SDCCAG8: variants seen among roughly 807,000 people sequenced by gnomAD.
SDCCAG8 encodes serologically defined colon cancer antigen 8.
SDCCAG8 carries 74 observed loss-of-function variants against 101.8 expected under a neutral mutation model. The ratio of observed to expected loss-of-function variants is 0.73; its 90% CI spans 0.60 to 0.88. The LOEUF is 0.88. Ranked by LOEUF, SDCCAG8 falls within the 40% of genes least tolerant of loss-of-function variation. SDCCAG8 has a pLI of 0.00. For synonymous variants in SDCCAG8, 281 were observed against 292.9 expected (o/e 0.96, Z 0.41); for missense variants, 787 against 822.6 (o/e 0.96, Z 0.53).
intron 16 of SDCCAG8, among the ~76,000 whole-genome samples, chr1:243,447,090 A>G (rs1477099367): frequency 6.6e-6 from 1 of 151,902 alleles, no homozygotes; most frequent in Non-Finnish European, 1.5e-5. Context: ...TGTCTCTACT[A>G]AAAATACAAA....
chr1:243,365,668 A>C (rs990828802), intron 12 of SDCCAG8, among the ~76,000 whole-genome samples: 18 of 152,242 alleles, frequency 1.2e-4, no homozygotes, highest in African/African-American at 4.3e-4. Context: ...TTTCTTTTAC[A>C]CAATAATTTT....
chr1:243,396,596 T>G (rs184362174), intron 13 of SDCCAG8, among the ~76,000 whole-genome samples: 369 of 152,346 alleles, frequency 2.4e-3, no homozygotes, highest in Non-Finnish European at 4.0e-3. Context: ...ATTCCTCAAG[T>G]TAATGCTATA....
intron 13 of SDCCAG8, among the ~76,000 whole-genome samples, chr1:243,395,612 A>G (rs1183504786): frequency 6.6e-6 from 1 of 152,214 alleles, no homozygotes; most frequent in Non-Finnish European, 1.5e-5. Flanking sequence ...GAAGGTCAGC[A>G]ATAAAATTGA....
intron 16 of SDCCAG8, among the ~76,000 whole-genome samples, chr1:243,483,897 G>A (rs1326395504): frequency 5.3e-5 from 8 of 152,138 alleles, no homozygotes; most frequent in African/African-American, 9.7e-5. Context: ...GGGGTCGTGC[G>A]GGCCCGGAGA....
At chr1:243,368,782 T>C (rs2077129053) in intron 12 of SDCCAG8, among the ~76,000 whole-genome samples, 1 of 152,160 alleles carries the variant, frequency 6.6e-6, no homozygotes, top group Non-Finnish European at 1.5e-5. Context: ...AGACCCTTGA[T>C]ATTTGTAGGG....
intron 17 of SDCCAG8, among the ~76,000 whole-genome samples, chr1:243,497,154 C>A (rs949170197): frequency 3.9e-5 from 6 of 152,134 alleles, no homozygotes; most frequent in African/African-American, 1.4e-4. Flanking sequence ...TCGTGGATAT[C>A]CCTAATGGCA....
intron 15 of SDCCAG8, among the ~76,000 whole-genome samples, chr1:243,425,932 A>G (rs1379676036): frequency 6.6e-6 from 1 of 152,226 alleles, no homozygotes; most frequent in Non-Finnish European, 1.5e-5. Flanking sequence ...TGTCCAGAAT[A>G]ATGTCTGGCC....
chr1:243,394,802 A>G lies in SDCCAG8; in HGVS notation c.1616+15939A>G, dbSNP rs112910927. 7.5e-3 allele frequency among the ~76,000 whole-genome samples: 1,120 copies of G among 150,124 alleles called. 15 individuals are homozygous for G. The highest frequency in any genetic ancestry group is 0.026 in the African/African-American group (1,073 of 40,846). On this transcript the variant is annotated intron_variant, in intron 13 of 17. Coordinates refer to ENST00000366541, the MANE Select transcript of SDCCAG8 (RefSeq NM_006642.5). ...TAGCAGCGCCCTTAGAAACGGCTTT[A>G]CTCTTCGGTAGTGTAACCTGGCAAC... is the stretch of plus-strand genomic sequence containing the variant.
intron 5 of SDCCAG8, among the ~76,000 whole-genome samples, chr1:243,288,697 A>G (rs2149288986): frequency 6.6e-6 from 1 of 152,282 alleles, no homozygotes; most frequent in African/African-American, 2.4e-5. Flanking sequence ...TCAGTGTTTC[A>G]TAATGCCTTT....
intron 13 of SDCCAG8, among the ~76,000 whole-genome samples, chr1:243,411,121 T>A (rs1391806198): frequency 2.0e-5 from 3 of 152,132 alleles, no homozygotes; most frequent in East Asian, 1.9e-4. Context: ...TTATTTATTT[T>A]TTTATTTTTT....
chr1:243,259,299 C>T (rs1398567841), intron 1 of SDCCAG8, among the ~76,000 whole-genome samples: 1 of 151,640 alleles, frequency 6.6e-6, no homozygotes, highest in Non-Finnish European at 1.5e-5. Flanking sequence ...CCCAGCTACT[C>T]AGGAGGCTGA....
chr1:243,276,169 G>A (rs1038147021), intron 4 of SDCCAG8, among the ~76,000 whole-genome samples: 6 of 152,056 alleles, frequency 3.9e-5, no homozygotes, highest in Non-Finnish European at 7.4e-5. Flanking sequence ...GCCTAAACCA[G>A]TCTTAAAGGA....
At chr1:243,364,652 T>C (rs2076894565) in intron 12 of SDCCAG8, among the ~76,000 whole-genome samples, 1 of 152,178 alleles carries the variant, frequency 6.6e-6, no homozygotes, top group African/African-American at 2.4e-5. Flanking sequence ...TTGAAGTTCA[T>C]TTAGCGAAAA....
At chr1:243,307,389 T>C (rs1225556966) in intron 7 of SDCCAG8, 1 of 984,082 alleles carries the variant, frequency 1.0e-6, no homozygotes, top group African/African-American at 1.8e-5. Context: ...TTCTGTAACT[T>C]ACTTTCTTTT....
intron 16 of SDCCAG8, among the ~76,000 whole-genome samples, chr1:243,477,187 G>A (rs940949548): frequency 1.3e-5 from 2 of 152,110 alleles, no homozygotes; most frequent in African/African-American, 4.8e-5. Flanking sequence ...TTTAAGGACG[G>A]CTTTAGGGTG....
intron 8 of SDCCAG8, 117 bp from the exon 9 acceptor site, chr1:243,316,638 T>C: frequency 1.6e-6 from 2 of 1,237,168 alleles, no homozygotes; most frequent in African/African-American, 3.0e-5. Flanking sequence ...ATTTCATATG[T>C]GCTCAGCCGG....
chr1:243,311,923 G>T (rs913451530), intron 8 of SDCCAG8, among the ~76,000 whole-genome samples: 2 of 152,150 alleles, frequency 1.3e-5, no homozygotes, highest in African/African-American at 4.8e-5. Context: ...GATCAGTTAT[G>T]TATTCCTTTG....
At chr1:243,323,146 A>T (rs967567362) in intron 9 of SDCCAG8, among the ~76,000 whole-genome samples, 4 of 151,824 alleles carry the variant, frequency 2.6e-5, no homozygotes, top group Admixed American at 6.6e-5. Context: ...AAAAAAAAAA[A>T]AGCCACTTAA....
intron 8 of SDCCAG8, among the ~76,000 whole-genome samples, chr1:243,311,869 T>C (rs2072761097): frequency 1.3e-5 from 2 of 152,230 alleles, no homozygotes; most frequent in African/African-American, 4.8e-5. Context: ...TATAATGTTT[T>C]GGTTACTTCC....
Sources: gnomAD v4.1 joint callset for allele counts (sites outside exome capture counted in the v4.1 genomes callset) on GRCh38, gnomAD v4.1.1 for gene constraint, MANE v1.5 for transcripts, NCBI Gene and HGNC (gene_info 2026-07-23, HGNC 2026-07-21) for gene names.